CFAP70: variants seen among roughly 807,000 people sequenced by gnomAD.
CFAP70 encodes the protein cilia and flagella associated protein 70.
A neutral mutation model predicts 137.6 loss-of-function variants in CFAP70; 81 were observed. That is an observed-to-expected ratio of 0.59 (90% CI 0.49 to 0.71). CFAP70 has a LOEUF of 0.71. Among genes scored for constraint, CFAP70 ranks in the 30% least tolerant of loss-of-function variants. The pLI is 0.00. For synonymous variants in CFAP70, 382 were observed against 423.6 expected (o/e 0.90, Z 1.20); for missense variants, 976 against 1,226.7 (o/e 0.80, Z 3.05).
At chr10:73,271,078 C>T (rs556481523) in intron 24 of CFAP70, among the ~76,000 whole-genome samples, 14 of 152,222 alleles carry the variant, frequency 9.2e-5, no homozygotes, top group South Asian at 4.2e-4. Flanking sequence ...GAGGATCAAC[C>T]GAGCCCCGGA....
chr10:73,354,586 TTAAGAC>T, intron 2 of CFAP70, 142 bp downstream of exon 2: 1 of 678,572 alleles, frequency 1.5e-6, no homozygotes, highest in South Asian at 1.6e-5. Flanking sequence ...GACTTGGAGA[TTAAGAC>T]TAACAATAAG....
At chr10:73,331,902 T>C (rs997320998) in intron 7 of CFAP70, among the ~76,000 whole-genome samples, 4 of 152,288 alleles carry the variant, frequency 2.6e-5, no homozygotes, top group South Asian at 2.1e-4. Flanking sequence ...AGTTTACAAA[T>C]GGTATAAAAT....
chr10:73,268,839 C>T (rs957853294), intron 25 of CFAP70, among the ~76,000 whole-genome samples: 4 of 151,784 alleles, frequency 2.6e-5, no homozygotes, highest in African/African-American at 4.8e-5. Context: ...GGACCACAGG[C>T]GCTCCCCACC....
intron 9 of CFAP70, among the ~76,000 whole-genome samples, chr10:73,317,484 T>A (rs533969669): frequency 6.6e-6 from 1 of 152,230 alleles, no homozygotes; most frequent in Non-Finnish European, 1.5e-5. Flanking sequence ...TCCTGTTGCA[T>A]TCGTGATGTT....
intron 19 of CFAP70, among the ~76,000 whole-genome samples, chr10:73,287,367 T>C (rs749429678): frequency 6.6e-6 from 1 of 152,222 alleles, no homozygotes; most frequent in East Asian, 1.9e-4. Flanking sequence ...AGTATTATAA[T>C]ATCACGGGAC....
chr10:73,277,738 T>C (rs2046892400), intron 20 of CFAP70, among the ~76,000 whole-genome samples: 2 of 151,954 alleles, frequency 1.3e-5, no homozygotes, highest in African/African-American at 2.4e-5. Flanking sequence ...TCAGACACTA[T>C]TCACTTGGCA....
intron 9 of CFAP70, among the ~76,000 whole-genome samples, chr10:73,316,108 A>G (rs1302317527): frequency 6.6e-6 from 1 of 152,082 alleles, no homozygotes; most frequent in African/African-American, 2.4e-5. Flanking sequence ...TCTAGTCTTA[A>G]AAACTATTTT....
At chr10:73,334,191 T>C (rs764581639) in intron 7 of CFAP70, among the ~76,000 whole-genome samples, 1 of 152,354 alleles carries the variant, frequency 6.6e-6, no homozygotes, top group Non-Finnish European at 1.5e-5. Context: ...GACTGATAGT[T>C]ACCTACACAA....
At chr10:73,330,233 T>C (rs927858393) in intron 8 of CFAP70, among the ~76,000 whole-genome samples, 3 of 151,906 alleles carry the variant, frequency 2.0e-5, no homozygotes, top group Non-Finnish European at 4.4e-5. Flanking sequence ...GGGTGGATCA[T>C]GAGGTCAGGA....
At chr10:73,291,584 A>C in intron 18 of CFAP70, 56 bp downstream of exon 19, 1 of 1,541,374 alleles carries the variant, frequency 6.5e-7, no homozygotes, top group South Asian at 1.2e-5. Flanking sequence ...AGAAAGGAAA[A>C]AGGGAAAATC....
intron 15 of CFAP70, chr10:73,296,452 T>C (rs2131956462): frequency 6.6e-6 from 1 of 152,414 alleles, no homozygotes; most frequent in Non-Finnish European, 1.5e-5. Flanking sequence ...GAGGCACAGA[T>C]GGTTAGACAC....
At chr10:73,334,584 CT>C (rs58264194) in intron 7 of CFAP70, among the ~76,000 whole-genome samples, 308 of 142,128 alleles carry the variant, frequency 2.2e-3, no homozygotes, top group Admixed American at 2.9e-3. Flanking sequence ...ATTCTGGACT[CT>C]TTTTTTTTTT....
chr10:73,280,271 C>A (rs2047162853), intron 19 of CFAP70, among the ~76,000 whole-genome samples: 1 of 151,940 alleles, frequency 6.6e-6, no homozygotes, highest in Non-Finnish European at 1.5e-5. Flanking sequence ...GAGTTTGAGA[C>A]CAGCCTGGGC....
rs2046641606 is a variant in CFAP70 at position 73,275,382 on chromosome 10, G to C, written c.2673+64C>G. The C allele has an allele frequency of 3.3e-6, 5 of 1,503,424 alleles. No homozygotes were observed. The African/African-American group carries it at 7.0e-5, about 21-fold the overall frequency. 93.1% of individuals were successfully genotyped at this position (1,503,424 alleles called of 1,614,324 possible). A position where few individuals can be genotyped will look rare whatever the true frequency, so the allele number is the denominator to read the frequency against. Reference sequence around the variant, plus strand: ...TTCACCAGAAATCTACGTGTGATATGGCATCACCACCTTTAAATAAAGCCC... The same window carrying C: ...TTCACCAGAAATCTACGTGTGATATCGCATCACCACCTTTAAATAAAGCCC... On this transcript the variant is annotated intron_variant, in intron 22 of 26. Coordinates refer to ENST00000310715, the Ensembl canonical transcript of CFAP70. This position sits in a 1 kb window ranked among gnomAD's most constrained non-coding sequence, Gnocchi z 4.0.
At chr10:73,357,628 T>C (rs1447071194) in intron 1 of CFAP70, among the ~76,000 whole-genome samples, 1 of 152,232 alleles carries the variant, frequency 6.6e-6, no homozygotes, top group African/African-American at 2.4e-5. Flanking sequence ...TGTAGTTAAA[T>C]GTAGTACTAC....
chr10:73,335,722 TA>T (rs1007964611), intron 6 of CFAP70, among the ~76,000 whole-genome samples, 198 bp from the exon 8 acceptor site: 2 of 151,980 alleles, frequency 1.3e-5, no homozygotes, highest in African/African-American at 4.8e-5. Context: ...TAAGATAAGA[TA>T]AATTACATAT....
At chr10:73,345,008 G>A (rs2053587779) in intron 5 of CFAP70, 57 bp downstream of exon 6, 2 of 1,408,790 alleles carry the variant, frequency 1.4e-6, no homozygotes, top group Non-Finnish European at 2.0e-6. Context: ...GGAAGAGATG[G>A]CCATATGAGT....
chr10:73,333,831 T>C (rs2052359499), intron 7 of CFAP70, among the ~76,000 whole-genome samples: 2 of 151,940 alleles, frequency 1.3e-5, no homozygotes, highest in South Asian at 2.1e-4. Context: ...GGAAATATCA[T>C]AAATGAAGGT....
At chr10:73,342,909 T>A (rs1412656352) in intron 5 of CFAP70, among the ~76,000 whole-genome samples, 1 of 149,436 alleles carries the variant, frequency 6.7e-6, no homozygotes, top group Non-Finnish European at 1.5e-5. Context: ...ACCCCATCTC[T>A]ACTAAAAATA....
Sources: gnomAD v4.1 joint callset for allele counts (sites outside exome capture counted in the v4.1 genomes callset) on GRCh38, gnomAD v4.1.1 for gene constraint, Gnocchi (gnomAD v3.1) non-coding constraint, MANE v1.5 for transcripts, NCBI Gene and HGNC (gene_info 2026-07-23, HGNC 2026-07-21) for gene names.